The following SORCS2 variants were observed in gnomAD, a reference collection of about 807,000 sequenced individuals.
SORCS2 encodes sortilin related VPS10 domain containing receptor 2.
A neutral mutation model predicts 141.6 loss-of-function variants in SORCS2; 100 were observed. The observed-to-expected ratio is 0.71, with a 90% confidence interval of 0.60 to 0.83. The LOEUF (loss-of-function observed/expected upper bound fraction) is 0.83, where lower values mean the gene tolerates loss of function less well. SORCS2 is among the 40% of genes least tolerant of loss of function. The pLI is 0.00. For missense variants in SORCS2, 1,646 were observed against 1,560.2 expected (o/e 1.05, Z -0.93); for synonymous variants, 789 against 676.9 (o/e 1.17, Z -2.57).
intron 2 of SORCS2, among the ~76,000 whole-genome samples, chr4:7,487,432 G>C (rs963879510): frequency 6.6e-6 from 1 of 152,206 alleles, no homozygotes; most frequent in Non-Finnish European, 1.5e-5. Context: ...CCCTCCCCTT[G>C]TCTGGGCTGC....
intron 8 of SORCS2, among the ~76,000 whole-genome samples, chr4:7,675,484 G>A (rs1045032389): frequency 2.0e-5 from 3 of 152,224 alleles, no homozygotes; most frequent in Admixed American, 6.5e-5. Context: ...ATGAATCCAC[G>A]GTGCCTCCCT....
At chr4:7,647,348 GAA>G (rs1721146865) in intron 4 of SORCS2, among the ~76,000 whole-genome samples, 1 of 152,180 alleles carries the variant, frequency 6.6e-6, no homozygotes, top group African/African-American at 2.4e-5. Context: ...CAGGATTGCT[GAA>G]GAGAAAGAGA....
rs542951481 is a variant in SORCS2 at position 7,466,853 on chromosome 4, G to A, written c.549-64677G>A. Among the ~76,000 whole-genome samples the A allele has an allele frequency of 1.1e-4, 17 of 152,296 alleles. No homozygotes were observed. The East Asian group carries it at 2.9e-3, about 26-fold the overall frequency. Reference sequence around the variant, plus strand: ...GGGAGGTCCTGGAACCTGGTTGGACGCTGTCACTTGACCTCTATTTGCCAT... The same window carrying A: ...GGGAGGTCCTGGAACCTGGTTGGACACTGTCACTTGACCTCTATTTGCCAT... On this transcript the variant is annotated intron_variant, in intron 2 of 26. Transcript: ENST00000507866.
chr4:7,523,893 C>G (rs1733499540), intron 2 of SORCS2, among the ~76,000 whole-genome samples: 1 of 152,218 alleles, frequency 6.6e-6, no homozygotes, highest in African/African-American at 2.4e-5. Context: ...GGCCCCCTCC[C>G]TCCTTGGGCC....
rs138336126 is a variant in SORCS2, at chr4:7,511,439, G to GACAC, written c.549-20075_549-20072dup. ...AGGGAGAGAGGGGCGGGGTTGGGGAGACACACACACACACACACAGATACA... is the reference window on the plus strand; with the variant it reads ...AGGGAGAGAGGGGCGGGGTTGGGGAGACACACACACACACACACACACAGATACA... On this transcript the variant is annotated intron_variant, in intron 2 of 26. Coordinates refer to ENST00000507866, the MANE Select transcript of SORCS2 (RefSeq NM_020777.3). Among the ~76,000 whole-genome samples, 671 of 128,748 alleles carry GACAC rather than the reference G, an allele frequency of 5.2e-3. 4 individuals are homozygous for GACAC. The highest frequency in any genetic ancestry group is 0.021 in the South Asian group (72 of 3,480). The allele number at this position is 128,748 out of a possible 152,430, so 84.5% of individuals were successfully genotyped here. A position where few individuals can be genotyped will look rare whatever the true frequency, so the allele number is the denominator to read the frequency against.
intron 2 of SORCS2, among the ~76,000 whole-genome samples, chr4:7,426,526 C>G (rs1192819084): frequency 6.6e-6 from 1 of 152,172 alleles, no homozygotes; most frequent in Non-Finnish European, 1.5e-5. Context: ...TAACTTGAGA[C>G]CAGCCTGAGC....
In SORCS2 at chr4:7,674,085, C is replaced by T. The variant is rs80209073; in HGVS notation, c.1162-1965C>T. On this transcript the variant is annotated intron_variant, in intron 8 of 26. Transcript: ENST00000507866. ...TGCCTCCGGGCACTTCACATGCCTC[C>T]GTGGGCTCTGCATCACCCATGGTCC... Among the ~76,000 whole-genome samples the T allele has an allele frequency of 4.4e-3, 676 of 152,230 alleles. 1 individual carries two copies. Among genetic ancestry groups the T allele is most frequent in the Non-Finnish European group, 6.9e-3 (466 of 68,020 alleles).
chr4:7,651,068 T>G (rs1721417144), intron 4 of SORCS2, among the ~76,000 whole-genome samples: 1 of 152,082 alleles, frequency 6.6e-6, no homozygotes, highest in South Asian at 2.1e-4. Flanking sequence ...ATAGAATCAC[T>G]GGCCCAGCCC....
Position 7,425,334 on chromosome 4 carries a change from C to T in SORCS2, c.548+28979C>T, listed in dbSNP as rs562872127. Among the ~76,000 whole-genome samples, 8 of 152,296 alleles carry T rather than the reference C, an allele frequency of 5.3e-5. No homozygotes were observed. The South Asian group carries it at 6.2e-4, about 12-fold the overall frequency. On this transcript the variant is annotated intron_variant, in intron 2 of 26. Transcript: ENST00000507866. ...CCACAGCCGCAGCCTGGGCAAGAGA[C>T]GTCCCCTTGAGATGAGATGACCCCG...
chr4:7,692,417 C>G (rs1461402008), intron 11 of SORCS2, among the ~76,000 whole-genome samples: 2 of 152,232 alleles, frequency 1.3e-5, no homozygotes, highest in Non-Finnish European at 2.9e-5. Context: ...CTGCACTTCT[C>G]TGAGCCTCAG....
intron 11 of SORCS2, among the ~76,000 whole-genome samples, chr4:7,693,801 C>T (rs759872705): frequency 6.6e-6 from 1 of 152,226 alleles, no homozygotes; most frequent in East Asian, 1.9e-4. Flanking sequence ...CCTTTTTTGG[C>T]GACTCGGCCA....
At chr4:7,345,947 C>T (rs1720632819) in intron 1 of SORCS2, among the ~76,000 whole-genome samples, 1 of 152,188 alleles carries the variant, frequency 6.6e-6, no homozygotes, top group South Asian at 2.1e-4. Context: ...TCTTCTCTTC[C>T]TTCATGCTCA....
At chr4:7,737,048 G>A (rs75849760) in intron 25 of SORCS2, 21 bp from the exon 26 acceptor site, 168,966 of 1,550,206 alleles carry the variant, frequency 0.11, 9,863 homozygotes, top group Middle Eastern at 0.14. Context: ...AAGCTGAGCC[G>A]CCCTTGCCTC....
intron 4 of SORCS2, among the ~76,000 whole-genome samples, chr4:7,641,937 A>T (rs938215999): frequency 5.6e-5 from 7 of 123,946 alleles, no homozygotes; most frequent in Admixed American, 5.2e-4. Context: ...TGGATAGATG[A>T]TGGATGGATG....
At chr4:7,240,622 C>T (rs958799771) in intron 1 of SORCS2, among the ~76,000 whole-genome samples, 1 of 152,172 alleles carries the variant, frequency 6.6e-6, no homozygotes, top group African/African-American at 2.4e-5. Context: ...TCCTTGTTTT[C>T]TGGGCTGGGC....
chr4:7,454,580 T>G, intron 2 of SORCS2, among the ~76,000 whole-genome samples: 1 of 104,552 alleles, frequency 9.6e-6, no homozygotes, highest in Non-Finnish European at 1.9e-5. Flanking sequence ...AGCTGTGTGT[T>G]GGGGTCAGGT....
At chr4:7,420,458 G>T (rs117519935) in intron 2 of SORCS2, among the ~76,000 whole-genome samples, 2 of 152,304 alleles carry the variant, frequency 1.3e-5, no homozygotes, top group East Asian at 3.9e-4. Context: ...GAGTGTCCAG[G>T]GCTCAGGTCC....
chr4:7,314,800 GTTTTTTTT>G (rs397880294), intron 1 of SORCS2, among the ~76,000 whole-genome samples: 16 of 109,828 alleles, frequency 1.5e-4, no homozygotes, highest in Admixed American at 3.8e-4. Context: ...CCACTGTTCT[GTTTTTTTT>G]TTTTTTTTTT....
At chr4:7,382,731 T>C (rs1445014979) in intron 1 of SORCS2, among the ~76,000 whole-genome samples, 1 of 149,712 alleles carries the variant, frequency 6.7e-6, no homozygotes, top group Non-Finnish European at 1.5e-5. Flanking sequence ...CTGGAGGGGA[T>C]GGTCTGCAGG....
Sources: gnomAD v4.1 joint callset for allele counts (sites outside exome capture counted in the v4.1 genomes callset) on GRCh38, gnomAD v4.1.1 for gene constraint, MANE v1.5 for transcripts, NCBI Gene and HGNC (gene_info 2026-07-23, HGNC 2026-07-21) for gene names.